Variants in RASGRP3 observed in about 807,000 individuals in gnomAD.
The protein encoded by RASGRP3 is ras guanyl-releasing protein 3.
Under a neutral mutation model 82.7 loss-of-function variants are expected in RASGRP3, and 54 were observed. That is an observed-to-expected ratio of 0.65 (90% CI 0.52 to 0.82). RASGRP3 has a LOEUF of 0.82. RASGRP3 is among the 40% of genes least tolerant of loss of function. RASGRP3 has a pLI of 0.00. For synonymous variants in RASGRP3, 309 were observed against 300.5 expected, an observed-to-expected ratio of 1.03 and a Z score of -0.29; for missense variants, 861 against 828.9, an observed-to-expected ratio of 1.04 and a Z score of -0.48.
chr2:33,499,368 G>A lies in RASGRP3; in HGVS notation c.-260-12342G>A, dbSNP rs531745829. Among the ~76,000 whole-genome samples, 16 of 152,162 alleles carry A rather than the reference G, an allele frequency of 1.1e-4. No homozygotes were observed. In the South Asian group the frequency reaches 3.1e-3, roughly 30 times the overall value. On this transcript the variant is annotated intron_variant, in intron 1 of 17. Transcript: ENST00000403687. ...AGCTCAGGAGTTCGAGACCAGCCTGGGCAACATGGTGAAACCCCCATATCT... is the reference window on the plus strand; with the variant it reads ...AGCTCAGGAGTTCGAGACCAGCCTGAGCAACATGGTGAAACCCCCATATCT...
In RASGRP3 at chr2:33,546,402, G is replaced by C. The variant is rs566123432; in HGVS notation, c.1394+2775G>C. Among the ~76,000 whole-genome samples the C allele has an allele frequency of 2.3e-3, 332 of 146,044 alleles. 1 individual carries two copies. The highest frequency in any genetic ancestry group is 8.3e-3 in the African/African-American group (325 of 39,092). Reference sequence around the variant, plus strand: ...CGCACCACTGCACTCCAGCCTGGACGACAGAGCAAGACTCCGTCTCAAAAA... The same window carrying C: ...CGCACCACTGCACTCCAGCCTGGACCACAGAGCAAGACTCCGTCTCAAAAA... On this transcript the variant is annotated intron_variant, in intron 13 of 17. Coordinates refer to ENST00000403687, the MANE Select transcript of RASGRP3 (RefSeq NM_001139488.2).
intron 1 of RASGRP3, among the ~76,000 whole-genome samples, chr2:33,491,834 G>A (rs1477498632): frequency 6.6e-6 from 1 of 152,248 alleles, no homozygotes; most frequent in Non-Finnish European, 1.5e-5. Context: ...CTGGTGGACA[G>A]CACAGCACAG....
chr2:33,558,462 G>A, intron 16 of RASGRP3, 126 bp downstream of exon 16: 2 of 1,417,026 alleles, frequency 1.4e-6, no homozygotes, highest in Non-Finnish European at 1.9e-6. Context: ...TCTTTAGGGT[G>A]AGCAGCAGTA....
chr2:33,555,559 A>G lies in RASGRP3; in HGVS notation c.1571A>G (p.Lys524Arg), dbSNP rs367667575. 4.4e-6 allele frequency: 7 copies of G among 1,595,098 alleles called. No homozygotes were observed. The African/African-American group carries it at 9.4e-5, about 21-fold the overall frequency. The change falls in exon 15 of 18, where the codon AAA becomes AGA. Residue 524 changes from lysine (K) to arginine (R), a missense_variant. Transcript: ENST00000403687. ...TGGGGCATAATCAAGCAAGGATACA[A>G]ATGCAAAGGTAAATCAATGTTATTT... ...FLWGIIKQGY[K>R]CKDCGANCHK...
rs553331776 is a variant in RASGRP3 at position 33,523,200 on chromosome 2, G to A, written c.517-679G>A. On this transcript the variant is annotated intron_variant, in intron 7 of 17. Coordinates refer to ENST00000403687, the MANE Select transcript of RASGRP3 (RefSeq NM_001139488.2). Reference sequence around the variant, plus strand: ...TAAAAATGGAGATTCTTGGCCGGGCGCGCCTTTAATCCCAGCACTTTGGGA... The same window carrying A: ...TAAAAATGGAGATTCTTGGCCGGGCACGCCTTTAATCCCAGCACTTTGGGA... Among the ~76,000 whole-genome samples the A allele has an allele frequency of 5.3e-5, 8 of 152,048 alleles. No individual in the cohort carries two copies. The South Asian group carries it at 8.3e-4, about 16-fold the overall frequency.
At position 33,448,647 on chromosome 2, in the gene RASGRP3, G is replaced by T. The variant is rs116409677; in HGVS notation, c.-261+704G>T. On this transcript the variant is annotated intron_variant, in intron 2 of 18. Coordinates refer to the RASGRP3 transcript ENST00000402538. ...TAGAAACAGAAAGTAGATTAGAGGT[G>T]GCTGGGGGTGGGGGGAAAGGGAGAA... 7.0e-3 allele frequency among the ~76,000 whole-genome samples: 1,065 copies of T among 152,216 alleles called. 11 individuals are homozygous for T. Among genetic ancestry groups the T allele is most frequent in the African/African-American group, 0.025 (1,029 of 41,540 alleles).
intron 1 of RASGRP3, among the ~76,000 whole-genome samples, chr2:33,479,365 C>T (rs1351808270): frequency 2.0e-5 from 3 of 152,148 alleles, no homozygotes; most frequent in Non-Finnish European, 4.4e-5. Context: ...CCCTTCTGGC[C>T]TTTCCCTCCA....
chr2:33,527,075 G>T, intron 9 of RASGRP3, 62 bp from the exon 10 acceptor site: 2 of 1,547,224 alleles, frequency 1.3e-6, no homozygotes, highest in Non-Finnish European at 1.8e-6. Context: ...ACACATTGCA[G>T]GGCCCGGGGG....
chr2:33,548,980 C>A (rs1249625846), intron 13 of RASGRP3, among the ~76,000 whole-genome samples: 1 of 152,126 alleles, frequency 6.6e-6, no homozygotes, highest in Non-Finnish European at 1.5e-5. Flanking sequence ...TGAGCCACCG[C>A]ACCTGGCCGA....
intron 1 of RASGRP3, among the ~76,000 whole-genome samples, chr2:33,511,404 T>C (rs1670912095): frequency 6.6e-6 from 1 of 152,218 alleles, no homozygotes; most frequent in South Asian, 2.1e-4. Flanking sequence ...AAATTCTTAA[T>C]GAGTAATCCA....
intron 12 of RASGRP3, among the ~76,000 whole-genome samples, chr2:33,541,808 T>G (rs1219581676): frequency 6.8e-6 from 1 of 147,664 alleles, no homozygotes; most frequent in East Asian, 1.9e-4. Context: ...TTTTATTAAA[T>G]AAAATATTTT....
At chr2:33,534,441 A>G (rs1439932031) in intron 11 of RASGRP3, 41 bp downstream of exon 11, 3 of 1,356,012 alleles carry the variant, frequency 2.2e-6, no homozygotes, top group Non-Finnish European at 2.1e-6. Flanking sequence ...ACCAATCACT[A>G]TTTTTTGTCA....
intron 13 of RASGRP3, among the ~76,000 whole-genome samples, chr2:33,548,337 G>A (rs1048898501): frequency 8.0e-6 from 1 of 125,502 alleles, no homozygotes; most frequent in African/African-American, 3.0e-5. Context: ...ATCCGGCCTA[G>A]GCTAAAGAGC....
At chr2:33,464,862 C>G (rs1020823905) in intron 2 of RASGRP3, among the ~76,000 whole-genome samples, 26 of 152,270 alleles carry the variant, frequency 1.7e-4, no homozygotes, top group Middle Eastern at 3.4e-3. Flanking sequence ...TCAATAAATG[C>G]TATGCATATT....
chr2:33,528,673 C>A (rs557089771), intron 10 of RASGRP3, among the ~76,000 whole-genome samples: 117 of 152,314 alleles, frequency 7.7e-4, no homozygotes, highest in African/African-American at 2.7e-3. Flanking sequence ...GCCCTTCTCA[C>A]AAACTGTTCC....
intron 17 of RASGRP3, 38 bp downstream of exon 17, chr2:33,559,068 A>G (rs12470399): frequency 0.1 from 154,068 of 1,501,530 alleles, 8,218 homozygotes; most frequent in Admixed American, 0.15. Context: ...AACCAGAAGA[A>G]GGAGGCTGAA....
chr2:33,518,667 TTC>T (rs1671688905), intron 4 of RASGRP3, among the ~76,000 whole-genome samples: 2 of 152,228 alleles, frequency 1.3e-5, no homozygotes, highest in African/African-American at 2.4e-5. Context: ...AAAAAATATT[TTC>T]TTTCTTAATA....
intron 4 of RASGRP3, among the ~76,000 whole-genome samples, chr2:33,518,497 C>T (rs1671672951): frequency 6.6e-6 from 1 of 152,142 alleles, no homozygotes. Context: ...ACTTTATAGA[C>T]ACTATACACT....
At chr2:33,540,087 A>C (rs1319933146) in intron 12 of RASGRP3, 1 of 152,234 alleles carries the variant, frequency 6.6e-6, no homozygotes, top group Non-Finnish European at 1.5e-5. Context: ...ATCCTGAATT[A>C]AATGTCTACT....
Sources: gnomAD v4.1 joint callset for allele counts (sites outside exome capture counted in the v4.1 genomes callset) on GRCh38, gnomAD v4.1.1 for gene constraint, MANE v1.5 for transcripts, NCBI Gene and HGNC (gene_info 2026-07-23, HGNC 2026-07-21) for gene names.